The following ALG14 variants were observed in gnomAD, a reference collection of about 807,000 sequenced individuals.
ALG14 encodes ALG14 UDP-N-acetylglucosaminyltransferase subunit.
In ALG14, 17 loss-of-function variants were observed where a neutral mutation model predicts 22.8. That is an observed-to-expected ratio of 0.75 (90% CI 0.51 to 1.12). The LOEUF is 1.12. ALG14 is among the 50% of genes most tolerant of loss of function. The probability of loss-of-function intolerance (pLI) is 0.00; values close to 1 mark genes in which losing one functional copy is unlikely to be tolerated. For missense variants in ALG14, 288 were observed against 271.8 expected (o/e 1.06, Z -0.42); for synonymous variants, 89 against 103.7 (o/e 0.86, Z 0.86).
At chr1:95,004,659 C>CTGGCTAATT (rs1673163348) in intron 3 of ALG14, among the ~76,000 whole-genome samples, 1 of 147,620 alleles carries the variant, frequency 6.8e-6, no homozygotes, top group Non-Finnish European at 1.5e-5. Context: ...GCCACCACGC[C>CTGGCTAATT]TGGCTAATTT....
chr1:94,985,256 A>C (rs6702068), intron 3 of ALG14, among the ~76,000 whole-genome samples: 4 of 152,116 alleles, frequency 2.6e-5, no homozygotes, highest in Non-Finnish European at 5.9e-5. Context: ...GAATCTTTTC[A>C]ATGTTTAGAA....
chr1:95,054,126 C>G (rs1674849568), intron 2 of ALG14, among the ~76,000 whole-genome samples: 3 of 152,174 alleles, frequency 2.0e-5, no homozygotes, highest in Admixed American at 2.0e-4. Flanking sequence ...ACAGCTACAG[C>G]ACAAATTACA....
rs1672494336 is a variant in ALG14, at chr1:94,981,608, C to A, written c.*1468G>T. On this transcript the variant is annotated 3_prime_UTR_variant, in exon 4 of 4. Transcript: ENST00000370205. ...TTAGATTTATATCATACTTATAAAGCAAAAGATTTAAGAGGAAAAAACCTA... is the reference window on the plus strand; with the variant it reads ...TTAGATTTATATCATACTTATAAAGAAAAAGATTTAAGAGGAAAAAACCTA... 6.7e-6 allele frequency: 1 copy of A among 149,922 alleles called. No homozygotes were observed. 9.3% of individuals were successfully genotyped at this position (149,922 alleles called of 1,614,324 possible). A position where few individuals can be genotyped will look rare whatever the true frequency, so the allele number is the denominator to read the frequency against.
rs571816306 is a variant in ALG14 at position 95,016,020 on chromosome 1, G to A, written c.420+11109C>T. ...TGCATGAATGTTCACACAAGACTAT[G>A]AAGTAGATATCATGGTCCCTGTTCT... On this transcript the variant is annotated intron_variant, in intron 3 of 3. Transcript: ENST00000370205. Among the ~76,000 whole-genome samples, 28 of 152,310 alleles carry A rather than the reference G, an allele frequency of 1.8e-4. No individual in the cohort carries two copies. In the South Asian group the frequency reaches 4.6e-3, roughly 25 times the overall value.
At chr1:95,039,822 AAC>A (rs1674324311) in intron 2 of ALG14, among the ~76,000 whole-genome samples, 1 of 152,186 alleles carries the variant, frequency 6.6e-6, no homozygotes, top group South Asian at 2.1e-4. Context: ...GCCCTGGAGA[AAC>A]ACAGCCTGGA....
intron 2 of ALG14, among the ~76,000 whole-genome samples, chr1:95,063,424 G>A (rs572097178): frequency 1.3e-5 from 2 of 152,122 alleles, no homozygotes; most frequent in South Asian, 4.2e-4. Flanking sequence ...TTATAATTTT[G>A]GGTTTTACAT....
At position 95,041,700 on chromosome 1, in the gene ALG14, A is replaced by T. The variant is rs183193774; in HGVS notation, c.289-14440T>A. 30 of 152,136 alleles carry T rather than the reference A, an allele frequency of 2.0e-4. No homozygotes were observed. The East Asian group carries it at 5.8e-3, about 29-fold the overall frequency. The allele number at this position is 152,136 out of a possible 1,614,324, so 9.4% of individuals were successfully genotyped here. A position where few individuals can be genotyped will look rare whatever the true frequency, so the allele number is the denominator to read the frequency against. On this transcript the variant is annotated intron_variant, in intron 2 of 3. Transcript: ENST00000370205. ...AACTGTGGAAAGTAACAACAAATAC[A>T]CTCAATGTAGACATCTCAGCAAGCT...
intron 1 of ALG14, among the ~76,000 whole-genome samples, chr1:95,070,780 G>C (rs1469113470): frequency 1.3e-5 from 2 of 151,822 alleles, no homozygotes; most frequent in Non-Finnish European, 2.9e-5. Flanking sequence ...CTGTCAACCA[G>C]GCTGGAGTGC....
Position 95,065,115 on chromosome 1 carries a change from G to GT in ALG14, c.137-99_137-98insA, listed in dbSNP as rs1300232751. 4 of 1,027,360 alleles carry GT rather than the reference G, an allele frequency of 3.9e-6. No homozygotes were observed. In the Admixed American group the frequency reaches 1.2e-4, roughly 31 times the overall value. The allele number at this position is 1,027,360 out of a possible 1,614,324, so 63.6% of individuals were successfully genotyped here. A position where few individuals can be genotyped will look rare whatever the true frequency, so the allele number is the denominator to read the frequency against. ...ATATCATGGTTTCAGGTTGGGGGTG[G>GT]GGGGGCACTGTAATTGTATATTTCT... is the stretch of plus-strand genomic sequence containing the variant. On this transcript the variant is annotated intron_variant, in intron 1 of 3. Transcript: ENST00000370205.
In ALG14 at chr1:95,027,153, T is replaced by G; in HGVS notation, c.396A>C (p.Leu132=). Residue 132 remains leucine, a synonymous_variant, in exon 3 of 4, where the codon CTA becomes CTC. Coordinates refer to ENST00000370205, the MANE Select transcript of ALG14 (RefSeq NM_144988.4). The part of the protein sequence containing the change: ...TLHSMWLSFP[L]IHRVKPDLVL... ...CCAAATCTGGCTTCACCCTGTGAAT[T>G]AGGGGAAAGGAGAGCCACATGGAGT... is the stretch of plus-strand genomic sequence containing the variant. The G allele has an allele frequency of 6.2e-7, 1 of 1,614,036 alleles. No individual in the cohort carries two copies. Among genetic ancestry groups the G allele is most frequent in the Non-Finnish European group, 8.5e-7 (1 of 1,179,988 alleles).
At chr1:95,047,440 T>G (rs1476413794) in intron 2 of ALG14, among the ~76,000 whole-genome samples, 1 of 152,124 alleles carries the variant, frequency 6.6e-6, no homozygotes, top group East Asian at 1.9e-4. Context: ...GCCTCCTGGT[T>G]CAAGTGATTC....
In ALG14 at chr1:94,976,040, A is replaced by AAT. The variant is rs1672392531; in HGVS notation, c.*7035_*7036insAT. 6.7e-6 allele frequency: 1 copy of AAT among 148,962 alleles called. No homozygotes were observed. 9.2% of individuals were successfully genotyped at this position (148,962 alleles called of 1,614,324 possible). ...TCAAAAAAAAAAAAAAAAAAAAAAA[A>AAT]GAAAGAAGAGCCTCCTTAACACACC... is the stretch of plus-strand genomic sequence containing the variant. On this transcript the variant is annotated 3_prime_UTR_variant, in exon 4 of 4. Transcript: ENST00000370205.
chr1:95,072,215 T>C lies in ALG14; in HGVS notation c.136+548A>G, dbSNP rs140927798. Among the ~76,000 whole-genome samples, 357 of 152,316 alleles carry C rather than the reference T, an allele frequency of 2.3e-3. 1 individual carries two copies. The highest frequency in any genetic ancestry group is 6.8e-3 in the Middle Eastern group (2 of 294). On this transcript the variant is annotated intron_variant, in intron 1 of 3. Transcript: ENST00000370205. ...CCCTGTCAAATATGTGTATTTAAAA[T>C]TGTAAGCACCTACAGAGTTGGTGGA...
chr1:95,069,926 C>T (rs1467042268), intron 1 of ALG14, among the ~76,000 whole-genome samples: 1 of 152,166 alleles, frequency 6.6e-6, no homozygotes, highest in Non-Finnish European at 1.5e-5. Flanking sequence ...AGCTGGGGAG[C>T]TGGGCGAGGT....
chr1:95,049,942 T>C (rs1227034833), intron 2 of ALG14, among the ~76,000 whole-genome samples: 1 of 152,344 alleles, frequency 6.6e-6, no homozygotes, highest in South Asian at 2.1e-4. Context: ...ATTTATTGGA[T>C]AATTCCATAT....
chr1:95,059,667 T>C (rs1675067120), intron 2 of ALG14, among the ~76,000 whole-genome samples: 1 of 151,954 alleles, frequency 6.6e-6, no homozygotes, highest in Admixed American at 6.6e-5. Context: ...ATTAGTGTCA[T>C]CTGATAGAAC....
intron 2 of ALG14, among the ~76,000 whole-genome samples, chr1:95,050,602 C>A (rs1326963416): frequency 6.6e-6 from 1 of 152,020 alleles, no homozygotes; most frequent in African/African-American, 2.4e-5. Context: ...CTAATTGCCA[C>A]AAACAAGAAG....
At chr1:95,040,613 G>A (rs530347929) in intron 2 of ALG14, among the ~76,000 whole-genome samples, 1 of 152,280 alleles carries the variant, frequency 6.6e-6, no homozygotes, top group Admixed American at 6.5e-5. Flanking sequence ...CAAAAGGAAG[G>A]ACGTAGGGAA....
At position 94,981,898 on chromosome 1, in the gene ALG14, A is replaced by T. The variant is rs912100413; in HGVS notation, c.*1178T>A. On this transcript the variant is annotated 3_prime_UTR_variant, in exon 4 of 4. Coordinates refer to ENST00000370205, the MANE Select transcript of ALG14 (RefSeq NM_144988.4). Reference sequence around the variant, plus strand: ...AAGTTCATTGTTTAAAAAAATATTCAGAAGTTCAAGAGAGTCACAGCAGAA... The same window carrying T: ...AAGTTCATTGTTTAAAAAAATATTCTGAAGTTCAAGAGAGTCACAGCAGAA... 1.3e-5 allele frequency: 2 copies of T among 152,084 alleles called. No individual in the cohort carries two copies. Among genetic ancestry groups the T allele is most frequent in the African/African-American group, 4.8e-5 (2 of 41,402 alleles). The allele number at this position is 152,084 out of a possible 1,614,324, so 9.4% of individuals were successfully genotyped here.
Sources: gnomAD v4.1 joint callset for allele counts (sites outside exome capture counted in the v4.1 genomes callset) on GRCh38, gnomAD v4.1.1 for gene constraint, MANE v1.5 for transcripts, NCBI Gene and HGNC (gene_info 2026-07-23, HGNC 2026-07-21) for gene names.